The following TENM3 variants were observed in gnomAD, a reference collection of about 807,000 sequenced individuals.
TENM3 encodes teneurin-3.
A neutral mutation model predicts 255.1 loss-of-function variants in TENM3; 63 were observed. The ratio of observed to expected loss-of-function variants is 0.25; its 90% CI spans 0.20 to 0.30. The LOEUF (loss-of-function observed/expected upper bound fraction) is 0.30, where lower values mean the gene tolerates loss of function less well. Among genes scored for constraint, TENM3 ranks in the 10% least tolerant of loss-of-function variants. The pLI, the probability that TENM3 is intolerant of heterozygous loss-of-function variation, is 1.00. For synonymous variants in TENM3, 1,306 were observed against 1,322.3 expected (o/e 0.99, Z 0.27); for missense variants, 2,929 against 3,461.1 (o/e 0.85, Z 3.86).
At chr4:181,533,319 C>T in the TENM3 span, among the ~76,000 whole-genome samples, 6 of 152,122 alleles carry the variant, frequency 3.9e-5, no homozygotes, top group African/African-American at 9.7e-5. Context: ...GTCACAGTAC[C>T]GCCACCATCA....
chr4:182,448,801 G>A (rs1177685320), intron 3 of TENM3, among the ~76,000 whole-genome samples: 1 of 143,104 alleles, frequency 7.0e-6, no homozygotes, highest in African/African-American at 2.6e-5. Flanking sequence ...TGTGGAGCGG[G>A]GCGAGGGGGT....
the TENM3 span, among the ~76,000 whole-genome samples, chr4:181,453,523 G>T: frequency 6.6e-6 from 1 of 151,720 alleles, no homozygotes; most frequent in Non-Finnish European, 1.5e-5. Context: ...ACATCCAGTT[G>T]CCAAACTCTT....
the TENM3 span, among the ~76,000 whole-genome samples, chr4:181,631,247 T>G: frequency 1.3e-5 from 2 of 152,030 alleles, no homozygotes; most frequent in African/African-American, 4.8e-5. Flanking sequence ...CACCATAGGC[T>G]CTCTCATAGT....
chr4:182,701,580 C>T (rs762861996), intron 12 of TENM3, among the ~76,000 whole-genome samples: 8 of 152,040 alleles, frequency 5.3e-5, no homozygotes, highest in Non-Finnish European at 1.0e-4. Context: ...TAATCCACTG[C>T]AATACATTGG....
chr4:182,338,587 A>G (rs541543000), intron 2 of TENM3, among the ~76,000 whole-genome samples: 22 of 152,282 alleles, frequency 1.4e-4, no homozygotes, highest in African/African-American at 4.8e-4. Flanking sequence ...AATTGAAATC[A>G]TATTTCTTAA....
At chr4:182,581,565 C>T (rs372277473) in intron 3 of TENM3, among the ~76,000 whole-genome samples, 1 of 151,918 alleles carries the variant, frequency 6.6e-6, no homozygotes. Flanking sequence ...TGGTGAAAAC[C>T]CATCCCTACA....
At chr4:182,326,308 T>G (rs1763403277) in intron 2 of TENM3, among the ~76,000 whole-genome samples, 1 of 152,238 alleles carries the variant, frequency 6.6e-6, no homozygotes, top group Non-Finnish European at 1.5e-5. Flanking sequence ...GCTCCCCTGG[T>G]GAGGTGGGTC....
At chr4:181,746,849 T>C in the TENM3 span, among the ~76,000 whole-genome samples, 2 of 152,100 alleles carry the variant, frequency 1.3e-5, no homozygotes, top group Non-Finnish European at 2.9e-5. Flanking sequence ...CTCAGAGATA[T>C]TGGACACATT....
the TENM3 span, among the ~76,000 whole-genome samples, chr4:181,583,534 A>T: frequency 6.6e-6 from 1 of 152,190 alleles, no homozygotes; most frequent in African/African-American, 2.4e-5. Flanking sequence ...CCGCCCTTGA[A>T]AATAACACTT....
chr4:181,612,104 C>T, the TENM3 span, among the ~76,000 whole-genome samples: 2 of 152,122 alleles, frequency 1.3e-5, no homozygotes, highest in South Asian at 4.1e-4. Context: ...TCCTGCTGTA[C>T]AGAGGAGACG....
the TENM3 span, among the ~76,000 whole-genome samples, chr4:181,602,294 C>A: frequency 6.6e-6 from 1 of 152,198 alleles, no homozygotes; most frequent in African/African-American, 2.4e-5. Flanking sequence ...CATTACCCAG[C>A]AAGCTTTGTC....
At chr4:182,225,377 T>C (rs894498204) in intron 1 of TENM3, among the ~76,000 whole-genome samples, 17 of 152,256 alleles carry the variant, frequency 1.1e-4, no homozygotes, top group African/African-American at 3.9e-4. Flanking sequence ...GCTGGGATGT[T>C]AGCTGGAGGC....
At chr4:182,727,877 T>TG (rs1480721383) in intron 13 of TENM3, among the ~76,000 whole-genome samples, 1 of 151,612 alleles carries the variant, frequency 6.6e-6, no homozygotes, top group African/African-American at 2.4e-5. Context: ...TTTTTTTTTT[T>TG]TTTGAGACAG....
At chr4:181,849,945 T>TCACACACACA in the TENM3 span, among the ~76,000 whole-genome samples, 1 of 30,978 alleles carries the variant, frequency 3.2e-5, no homozygotes, top group South Asian at 1.3e-3. Flanking sequence ...TCTCTCTCTC[T>TCACACACACA]CTCTCACACA....
chr4:181,677,136 C>T, the TENM3 span, among the ~76,000 whole-genome samples: 9 of 152,146 alleles, frequency 5.9e-5, no homozygotes, highest in South Asian at 2.1e-4. Flanking sequence ...ATTCTCCCTA[C>T]GTGAACCCAC....
chr4:181,998,028 C>A, the TENM3 span, among the ~76,000 whole-genome samples: 1 of 152,174 alleles, frequency 6.6e-6, no homozygotes, highest in South Asian at 2.1e-4. Flanking sequence ...AAAAAAGAGA[C>A]AACTTGTTTG....
chr4:182,636,734 G>GAAAGA (rs58204854), intron 5 of TENM3, among the ~76,000 whole-genome samples: 1 of 150,502 alleles, frequency 6.6e-6, no homozygotes, highest in Admixed American at 6.6e-5. Flanking sequence ...AAAAAAGAAA[G>GAAAGA]AAAGAAAAGA....
chr4:181,558,689 T>C, the TENM3 span, among the ~76,000 whole-genome samples: 7 of 152,174 alleles, frequency 4.6e-5, no homozygotes, highest in Admixed American at 6.5e-5. Context: ...TGTTCTGTAA[T>C]AACAGGGAAA....
At chr4:181,598,339 T>C in the TENM3 span, among the ~76,000 whole-genome samples, 1 of 152,208 alleles carries the variant, frequency 6.6e-6, no homozygotes, top group African/African-American at 2.4e-5. Flanking sequence ...CTACGTGTAC[T>C]ACAGATCCCA....
Sources: allele counts gnomAD v4.1 joint callset (sites outside exome capture counted in the v4.1 genomes callset), GRCh38; gene constraint gnomAD v4.1.1; transcripts MANE v1.5; gene names NCBI Gene and HGNC (gene_info 2026-07-23, HGNC 2026-07-21).